MLXIP: variants seen among roughly 807,000 people sequenced by gnomAD.
MLXIP encodes MLX-interacting protein.
A neutral mutation model predicts 87.2 loss-of-function variants in MLXIP; 30 were observed. That is an observed-to-expected ratio of 0.34 (90% confidence interval 0.26 to 0.47). The LOEUF is 0.47. Among genes scored for constraint, MLXIP ranks in the 20% least tolerant of loss-of-function variants. The pLI is 1.00. For missense variants in MLXIP, 1,002 were observed against 1,240.1 expected, an observed-to-expected ratio of 0.81 and a Z score of 2.88; for synonymous variants, 530 against 514.0, an observed-to-expected ratio of 1.03 and a Z score of -0.42.
rs989352688 is a variant in MLXIP, at chr12:122,135,725, G to A, written c.2032+59G>A. Reference sequence around the variant, plus strand: ...CGCAAGGGAAGTAACTGGGCCTGCCGTAGACCATGGGGGGTGCTTGCTGGG... The same window carrying A: ...CGCAAGGGAAGTAACTGGGCCTGCCATAGACCATGGGGGGTGCTTGCTGGG... On this transcript the variant is annotated intron_variant, in intron 11 of 16. Transcript: ENST00000319080. The surrounding 1 kb of genome is among the most constrained non-coding windows in gnomAD (Gnocchi z 5.3). 2.2e-5 allele frequency: 32 copies of A among 1,442,926 alleles called. No individual in the cohort carries two copies. Among genetic ancestry groups the A allele is most frequent in the African/African-American group, 2.9e-5 (2 of 69,856 alleles). 89.4% of individuals were successfully genotyped at this position (1,442,926 alleles called of 1,614,324 possible).
intron 1 of MLXIP, among the ~76,000 whole-genome samples, chr12:122,094,873 GGT>G (rs1952324829): frequency 1.3e-5 from 2 of 149,274 alleles, no homozygotes; most frequent in Non-Finnish European, 3.0e-5. Context: ...GTGTGGTGTT[GGT>G]GTGTGTGGTA....
At chr12:122,089,425 A>G (rs1201958310) in intron 1 of MLXIP, among the ~76,000 whole-genome samples, 2 of 152,214 alleles carry the variant, frequency 1.3e-5, no homozygotes, top group African/African-American at 4.8e-5. Flanking sequence ...GGTGTTTTAA[A>G]CAACTGTTTT....
At chr12:122,140,519 C>T (rs1844376582) in intron 15 of MLXIP, among the ~76,000 whole-genome samples, 1 of 152,152 alleles carries the variant, frequency 6.6e-6, no homozygotes. Flanking sequence ...GTCTCAAACT[C>T]CTGACCTCAA....
At chr12:122,103,198 T>G (rs1349802899) in intron 1 of MLXIP, among the ~76,000 whole-genome samples, 4 of 63,652 alleles carry the variant, frequency 6.3e-5, no homozygotes, top group Non-Finnish European at 1.1e-4. Flanking sequence ...TATGTATGTA[T>G]GTATTTATTT....
At chr12:122,130,348 G>A (rs1410671994) in intron 6 of MLXIP, among the ~76,000 whole-genome samples, 1 of 152,108 alleles carries the variant, frequency 6.6e-6, no homozygotes, top group Non-Finnish European at 1.5e-5. Flanking sequence ...GTAGTGCCAT[G>A]GTGGGAGGAC....
intron 1 of MLXIP, among the ~76,000 whole-genome samples, chr12:122,094,514 TTGG>T (rs1317239919): frequency 1.0e-5 from 1 of 95,620 alleles, no homozygotes; most frequent in Admixed American, 1.2e-4. Context: ...GTGTGGTGTG[TTGG>T]TGTGTGTGTT....
At position 122,127,933 on chromosome 12, in the gene MLXIP, G is replaced by C; in HGVS notation, c.571G>C (p.Gly191Arg). The C allele has an allele frequency of 6.2e-7, 1 of 1,613,794 alleles. No individual in the cohort carries two copies. Among genetic ancestry groups the C allele is most frequent in the Non-Finnish European group, 8.5e-7 (1 of 1,179,796 alleles). Residue 191 changes from glycine to arginine, a missense_variant, in exon 3 of 17, where the codon GGC (glycine) becomes CGC (arginine). Gly to Arg is a moderately radical substitution (Grantham distance 125, BLOSUM62 -2). Coordinates refer to ENST00000319080, the MANE Select transcript of MLXIP (RefSeq NM_014938.6). The part of the protein sequence containing the change: ...PVCHFVTPLD[G>R]SVDVDEHRRP... ...GTGCCACTTTGTGACACCCCTGGAC[G>C]GCTCTGTGGACGTAGACGAGCACCG...
chr12:122,133,997 G>A lies in MLXIP; in HGVS notation c.1732+10G>A. 1 of 1,589,658 alleles carries A rather than the reference G, an allele frequency of 6.3e-7. No homozygotes were observed. ...GCCCGTATCGCCCCAGGTGAGCCAG[G>A]CGGGGAGACTCAGTGCGGGGCTCCC... On this transcript the variant is annotated intron_variant, in intron 9 of 16. Transcript: ENST00000319080. This position sits in a 1 kb window ranked among gnomAD's most constrained non-coding sequence, Gnocchi z 4.9.
intron 6 of MLXIP, 41 bp from the exon 7 acceptor site, chr12:122,130,799 TTGTC>T: frequency 1.3e-5 from 18 of 1,395,472 alleles, no homozygotes; most frequent in Non-Finnish European, 1.7e-5. Context: ...TCCTGCAACA[TTGTC>T]TGAGAAGACA....
intron 6 of MLXIP, among the ~76,000 whole-genome samples, chr12:122,130,439 A>G (rs1378916051): frequency 6.6e-6 from 1 of 151,512 alleles, no homozygotes; most frequent in Non-Finnish European, 1.5e-5. Flanking sequence ...GCCTAAGCCG[A>G]GGCGGCCGGG....
At chr12:122,118,586 G>A (rs767910812) in intron 1 of MLXIP, among the ~76,000 whole-genome samples, 1 of 152,160 alleles carries the variant, frequency 6.6e-6, no homozygotes, top group Non-Finnish European at 1.5e-5. Context: ...AGTGGCTCAC[G>A]CCTATAATCC....
chr12:122,078,845 G>T lies in MLXIP; in HGVS notation c.-9G>T, dbSNP rs1323265996. The T allele has an allele frequency of 9.3e-7, 1 of 1,070,584 alleles. No individual in the cohort carries two copies. Among genetic ancestry groups the T allele is most frequent in the Non-Finnish European group, 1.1e-6 (1 of 885,118 alleles). The allele number at this position is 1,070,584 out of a possible 1,614,324, so 66.3% of individuals were successfully genotyped here. A position where few individuals can be genotyped will look rare whatever the true frequency, so the allele number is the denominator to read the frequency against. ...GGCTCCGGGGGATGCCCCCGGCCGA[G>T]CCCTTCTCATGGCCGCCGACGTCTT... On this transcript the variant is annotated 5_prime_UTR_variant, in exon 1 of 17. Coordinates refer to ENST00000319080, the MANE Select transcript of MLXIP (RefSeq NM_014938.6).
In MLXIP at chr12:122,133,789, C is replaced by T; in HGVS notation, c.1534C>T (p.His512Tyr). 1.2e-6 allele frequency: 2 copies of T among 1,613,262 alleles called. No homozygotes were observed. Among genetic ancestry groups the T allele is most frequent in the Non-Finnish European group, 1.7e-6 (2 of 1,179,690 alleles). ...GAGTCAGGGCCTTGTGATCACCACC[C>T]ATCACCCTGCCCCGTCAGCGGCCCC... Reference protein sequence around the residue: ...SQSQGLVITTHHPAPSAAPCG... With the variant: ...SQSQGLVITTYHPAPSAAPCG... The change falls in exon 9 of 17, where the codon CAT becomes TAT. Residue 512 changes from histidine to tyrosine, a missense_variant. By Grantham distance (83) the His-to-Tyr change is moderately conservative. This residue lies in a region of MLXIP where 746 missense variants were observed against 897.0 expected (regional missense o/e 0.83). Coordinates refer to ENST00000319080, the MANE Select transcript of MLXIP (RefSeq NM_014938.6). The surrounding 1 kb of genome is among the most constrained non-coding windows in gnomAD (Gnocchi z 4.9).
Position 122,135,522 on chromosome 12 carries a change from C to T in MLXIP, c.1888C>T (p.Leu630=). 4 of 1,608,992 alleles carry T rather than the reference C, an allele frequency of 2.5e-6. No individual in the cohort carries two copies. Among genetic ancestry groups the T allele is most frequent in the Non-Finnish European group, 3.4e-6 (4 of 1,178,220 alleles). The change falls in exon 11 of 17, where the codon CTG becomes TTG. Residue 630 remains leucine (L), a synonymous_variant. Coordinates refer to ENST00000319080, the MANE Select transcript of MLXIP (RefSeq NM_014938.6). The surrounding 1 kb of genome is among the most constrained non-coding windows in gnomAD (Gnocchi z 5.3). ...PGVPEFHSSI[L]VTDLGHGTSS... is the part of the protein sequence containing the mutation. Reference sequence around the variant, plus strand: ...GGTCCCGGAGTTCCACAGCAGCATCCTGGTGACAGATCTCGGCCATGGCAC... The same window carrying T: ...GGTCCCGGAGTTCCACAGCAGCATCTTGGTGACAGATCTCGGCCATGGCAC...
At chr12:122,104,177 CAATA>C (rs1952483831) in intron 1 of MLXIP, among the ~76,000 whole-genome samples, 1 of 152,154 alleles carries the variant, frequency 6.6e-6, no homozygotes, top group Non-Finnish European at 1.5e-5. Context: ...AATATGTAAA[CAATA>C]AAATTCACCC....
At position 122,078,933 on chromosome 12, in the gene MLXIP, C is replaced by T. The variant is rs1190544082; in HGVS notation, c.80C>T (p.Ser27Phe). ...GRQVLLKPQV[S>F]EDDDDSDTDE... ...CAGGTGCTGCTCAAGCCCCAGGTGT[C>T]CGAGGACGACGACGACTCGGACACG... The change falls in exon 1 of 17, where the codon TCC (serine) becomes TTC (phenylalanine). Residue 27 changes from serine to phenylalanine, a missense_variant. By Grantham distance (155) the Ser-to-Phe change is radical. Coordinates refer to ENST00000319080, the MANE Select transcript of MLXIP (RefSeq NM_014938.6). The T allele has an allele frequency of 1.8e-6, 2 of 1,123,626 alleles. No individual in the cohort carries two copies. Among genetic ancestry groups the T allele is most frequent in the Admixed American group, 4.6e-5 (1 of 21,718 alleles). The allele number at this position is 1,123,626 out of a possible 1,614,324, so 69.6% of individuals were successfully genotyped here.
chr12:122,105,645 A>G (rs2135933656), intron 1 of MLXIP, among the ~76,000 whole-genome samples: 1 of 151,802 alleles, frequency 6.6e-6, no homozygotes, highest in African/African-American at 2.4e-5. Context: ...CTGATTTTTC[A>G]CTTTTATGTG....
rs1365785792 is a variant in MLXIP, at chr12:122,095,486, A to G, written c.413+16220A>G. On this transcript the variant is annotated intron_variant, in intron 1 of 16. Coordinates refer to ENST00000319080, the MANE Select transcript of MLXIP (RefSeq NM_014938.6). ...GAATCCAGATTCAAATAGCGTTTGT[A>G]TTTATCCGCCACACAGTGCTTCCTC... 5.3e-5 allele frequency among the ~76,000 whole-genome samples: 8 copies of G among 152,064 alleles called. No homozygotes were observed. In the South Asian group the frequency reaches 1.0e-3, roughly 20 times the overall value.
At chr12:122,123,315 G>A (rs1359402597) in intron 1 of MLXIP, among the ~76,000 whole-genome samples, 1 of 152,192 alleles carries the variant, frequency 6.6e-6, no homozygotes, top group Non-Finnish European at 1.5e-5. Flanking sequence ...ACCCTTTCCG[G>A]CCCGCCGTGG....
Sources: gnomAD v4.1 joint callset for allele counts (sites outside exome capture counted in the v4.1 genomes callset) on GRCh38, gnomAD v4.1.1 for gene constraint, gnomAD v4.1.1 regional missense constraint, Gnocchi (gnomAD v3.1) non-coding constraint, MANE v1.5 for transcripts, NCBI Gene and HGNC (gene_info 2026-07-23, HGNC 2026-07-21) for gene names.